Variants in PTPRS observed in about 807,000 individuals in gnomAD.
PTPRS encodes protein tyrosine phosphatase receptor type S.
Under a neutral mutation model 215.3 loss-of-function variants are expected in PTPRS, and 63 were observed. That is an observed-to-expected ratio of 0.29 (90% CI 0.24 to 0.36). The LOEUF is 0.36. Ranked by LOEUF, PTPRS falls within the 10% of genes least tolerant of loss-of-function variation. The pLI is 1.00. For synonymous variants in PTPRS, 1,404 were observed against 1,191.4 expected (o/e 1.18, Z -3.68); for missense variants, 2,258 against 2,825.8 (o/e 0.80, Z 4.56).
rs1358436388 is a variant in PTPRS at position 5,287,424 on chromosome 19, C to T, written c.-94-1190G>A. ...ACTCCTCCAGGGCAGAAGGGTCCCT[C>T]GTCACATACCTTGAACCCTGGAATG... On this transcript the variant is annotated intron_variant, in intron 1 of 37. Transcript: ENST00000262963. The surrounding 1 kb of genome is among the most constrained non-coding windows in gnomAD (Gnocchi z 4.8). Among the ~76,000 whole-genome samples the T allele has an allele frequency of 1.2e-4, 18 of 152,224 alleles. No individual in the cohort carries two copies. The highest frequency in any genetic ancestry group is 5.9e-5 in the Non-Finnish European group (4 of 68,032).
At chr19:5,220,230 G>A (rs1227445563) in intron 21 of PTPRS, 30 bp downstream of exon 21, 6 of 1,611,192 alleles carry the variant, frequency 3.7e-6, no homozygotes, top group Non-Finnish European at 5.1e-6. Flanking sequence ...AATGCATCTG[G>A]GCCCTGCGGG....
intron 18 of PTPRS, 121 bp downstream of exon 18, chr19:5,222,568 G>T (rs1357692673): frequency 2.5e-6 from 3 of 1,201,616 alleles, no homozygotes; most frequent in Non-Finnish European, 3.3e-6. Flanking sequence ...GACTTGCCTT[G>T]AGTGACCACG....
In PTPRS at chr19:5,339,830, C is replaced by A. The variant is rs1300565136; in HGVS notation, c.-95+834G>T. 6.6e-6 allele frequency among the ~76,000 whole-genome samples: 1 copy of A among 151,794 alleles called. No individual in the cohort carries two copies. The highest frequency in any genetic ancestry group is 1.5e-5 in the Non-Finnish European group (1 of 67,834). On this transcript the variant is annotated intron_variant, in intron 1 of 37. Coordinates refer to ENST00000262963, the MANE Select transcript of PTPRS (RefSeq NM_002850.4). The surrounding 1 kb of genome is among the most constrained non-coding windows in gnomAD (Gnocchi z 4.2). ...GGCTGGCGGTTCCAGGGGCGGCTTCCCCACTCTCGGGATCCCCACGGGGCC... is the reference window on the plus strand; with the variant it reads ...GGCTGGCGGTTCCAGGGGCGGCTTCACCACTCTCGGGATCCCCACGGGGCC...
intron 16 of PTPRS, 76 bp from the exon 17 acceptor site, chr19:5,225,920 G>A: frequency 4.8e-6 from 6 of 1,244,702 alleles, no homozygotes; most frequent in Non-Finnish European, 7.1e-6. Flanking sequence ...CCCGTGCTGA[G>A]AACAAGCAAG....
Position 5,312,266 on chromosome 19 carries a change from G to A in PTPRS, c.-94-26032C>T, listed in dbSNP as rs150588794. The stretch of plus-strand genomic sequence containing the variant: ...GAAAAAGACATCCCTGGCTGTGTGC[G>A]TCCTGGTACTGTCAGTGAAAGAGCA... On this transcript the variant is annotated intron_variant, in intron 1 of 37. Transcript: ENST00000262963. Among the ~76,000 whole-genome samples, 212 of 152,248 alleles carry A rather than the reference G, an allele frequency of 1.4e-3. 1 individual carries two copies. Among genetic ancestry groups the A allele is most frequent in the African/African-American group, 4.8e-3 (201 of 41,536 alleles).
intron 1 of PTPRS, among the ~76,000 whole-genome samples, chr19:5,290,909 A>G (rs2048760409): frequency 6.6e-6 from 1 of 151,238 alleles, no homozygotes; most frequent in Non-Finnish European, 1.5e-5. Flanking sequence ...TCCCACATCC[A>G]CTCAAGCAGG....
rs2044287216 is a variant in PTPRS, at chr19:5,244,233, G to C, written c.1238C>G (p.Pro413Arg). Reference sequence around the variant, plus strand: ...TGTGCGGGTGACCACGGACTCGCTGGGGGGCCCCTGGCCGATGGAGTTGAC... The same window carrying C: ...TGTGCGGGTGACCACGGACTCGCTGCGGGGCCCCTGGCCGATGGAGTTGAC... ...SAVNSIGQGP[P>R]SESVVTRTGE... is the part of the protein sequence containing the mutation. The change falls in exon 11 of 38, where the codon CCC becomes CGC. Residue 413 changes from proline (P) to arginine (R), a missense_variant. By Grantham distance (103) the Pro-to-Arg change is moderately radical. Around this residue, in one of 6 missense-constraint regions of PTPRS, gnomAD observed 508 missense variants for 799.4 expected, o/e 0.64. Transcript: ENST00000262963. The surrounding 1 kb of genome is among the most constrained non-coding windows in gnomAD (Gnocchi z 7.2). 1 of 1,612,304 alleles carries C rather than the reference G, an allele frequency of 6.2e-7. No individual in the cohort carries two copies. The highest frequency in any genetic ancestry group is 8.5e-7 in the Non-Finnish European group (1 of 1,178,926).
intron 4 of PTPRS, among the ~76,000 whole-genome samples, chr19:5,266,442 T>A (rs138755979): frequency 5.7e-4 from 86 of 151,946 alleles, no homozygotes; most frequent in African/African-American, 1.9e-3. Flanking sequence ...GAGGACACCG[T>A]TTTTATTTTT....
chr19:5,273,910 C>T (rs2047135727), intron 3 of PTPRS, among the ~76,000 whole-genome samples: 1 of 152,076 alleles, frequency 6.6e-6, no homozygotes, highest in South Asian at 2.1e-4. Flanking sequence ...TGATCATGGG[C>T]GTGTATTGAG....
intron 1 of PTPRS, among the ~76,000 whole-genome samples, chr19:5,322,939 G>T (rs78860573): frequency 6.7e-6 from 1 of 149,988 alleles, no homozygotes; most frequent in South Asian, 2.1e-4. Context: ...CAGACCTCAT[G>T]CATTTCAGAG....
chr19:5,206,490 TCCCCCCA>T lies in PTPRS; in HGVS notation c.*277_*283del, dbSNP rs1462012872. The T allele has an allele frequency of 1.0e-5, 4 of 383,706 alleles. No homozygotes were observed. Among genetic ancestry groups the T allele is most frequent in the Non-Finnish European group, 1.5e-5 (3 of 203,628 alleles). 23.8% of individuals were successfully genotyped at this position (383,706 alleles called of 1,614,324 possible). On this transcript the variant is annotated 3_prime_UTR_variant, in exon 38 of 38. Transcript: ENST00000262963. The stretch of plus-strand genomic sequence containing the variant: ...GGGGAGCACTCCTATTTGCTCACCA[TCCCCCCA>T]CCCCCCACCCCGGAATCTGGTTTTG...
intron 1 of PTPRS, among the ~76,000 whole-genome samples, chr19:5,308,032 A>G (rs550984564): frequency 6.6e-6 from 1 of 152,244 alleles, no homozygotes; most frequent in Non-Finnish European, 1.5e-5. Flanking sequence ...CTGGGAAGAG[A>G]CTGCTACTGG....
At position 5,340,744 on chromosome 19, in the gene PTPRS, G is replaced by A. The variant is rs1258322847; in HGVS notation, c.-175C>T. ...GTTGCATGGGATCCGAGCGGAGCCCGAGCGCCAGCGGCTCGCGGCGTGCGC... is the reference window on the plus strand; with the variant it reads ...GTTGCATGGGATCCGAGCGGAGCCCAAGCGCCAGCGGCTCGCGGCGTGCGC... On this transcript the variant is annotated 5_prime_UTR_variant, in exon 1 of 38. Coordinates refer to ENST00000262963, the MANE Select transcript of PTPRS (RefSeq NM_002850.4). 1 of 149,440 alleles carries A rather than the reference G, an allele frequency of 6.7e-6. No individual in the cohort carries two copies. The highest frequency in any genetic ancestry group is 2.5e-5 in the African/African-American group (1 of 40,666). The allele number at this position is 149,440 out of a possible 1,614,324, so 9.3% of individuals were successfully genotyped here.
chr19:5,258,526 T>C (rs1274711778), intron 7 of PTPRS, among the ~76,000 whole-genome samples: 1 of 152,182 alleles, frequency 6.6e-6, no homozygotes, highest in African/African-American at 2.4e-5. Context: ...ATTTGATAGA[T>C]CCAGGGACCT....
At chr19:5,247,774 C>T (rs968405152) in intron 9 of PTPRS, among the ~76,000 whole-genome samples, 1 of 151,928 alleles carries the variant, frequency 6.6e-6, no homozygotes, top group African/African-American at 2.4e-5. Flanking sequence ...CTTCCAGCCT[C>T]GGTTCCTAGC....
At chr19:5,264,020 C>A (rs1333537647) in intron 5 of PTPRS, among the ~76,000 whole-genome samples, 1 of 152,170 alleles carries the variant, frequency 6.6e-6, no homozygotes, top group Non-Finnish European at 1.5e-5. Context: ...CACAGATGGG[C>A]CATGTGGGTG....
chr19:5,340,610 G>C (rs1373397596), intron 1 of PTPRS, 54 bp downstream of exon 1: 1 of 149,902 alleles, frequency 6.7e-6, no homozygotes, highest in Non-Finnish European at 1.5e-5. Context: ...CCCTTGGAGC[G>C]CCTGCATTTT....
rs1473618921 is a variant in PTPRS, at chr19:5,257,370, G to GCC, written c.706+645_706+646dup. The GCC allele has an allele frequency of 6.6e-6, 3 of 453,174 alleles. No homozygotes were observed. The highest frequency in any genetic ancestry group is 2.4e-5 in the Admixed American group (1 of 42,202). The allele number at this position is 453,174 out of a possible 1,614,324, so 28.1% of individuals were successfully genotyped here. ...TGCCCCAGCTCGGTGCAACTACCGA[G>GCC]CCCCCCGGGTGCCTGTGCCCGCTGT... On this transcript the variant is annotated intron_variant, in intron 8 of 37. Transcript: ENST00000262963. The surrounding 1 kb of genome is among the most constrained non-coding windows in gnomAD (Gnocchi z 4.4).
chr19:5,241,346 C>T (rs778422462), intron 11 of PTPRS, among the ~76,000 whole-genome samples: 11 of 152,100 alleles, frequency 7.2e-5, no homozygotes, highest in South Asian at 2.1e-4. Flanking sequence ...TGTAGTGGCA[C>T]GATCATAGCT....
Sources: allele counts gnomAD v4.1 joint callset (sites outside exome capture counted in the v4.1 genomes callset), GRCh38; gene constraint gnomAD v4.1.1; regional missense constraint gnomAD v4.1.1; non-coding constraint Gnocchi (gnomAD v3.1); transcripts MANE v1.5; gene names NCBI Gene and HGNC (gene_info 2026-07-23, HGNC 2026-07-21).